Variants in HIPK2 observed in about 807,000 individuals in gnomAD.
HIPK2 encodes the protein homeodomain interacting protein kinase 2, also known as homeodomain-interacting protein kinase 2.
A neutral mutation model predicts 113.7 loss-of-function variants in HIPK2; 27 were observed. The observed-to-expected ratio is 0.24, with a 90% CI of 0.17 to 0.33. The LOEUF (loss-of-function observed/expected upper bound fraction) is 0.33. Ranked by LOEUF, HIPK2 falls within the 10% of genes least tolerant of loss-of-function variation. The pLI is 1.00. For synonymous variants in HIPK2, 631 were observed against 642.2 expected (o/e 0.98, Z 0.26); for missense variants, 1,257 against 1,588.0 (o/e 0.79, Z 3.54).
chr7:139,695,332 C>T lies in HIPK2; in HGVS notation c.1103+20600G>A, dbSNP rs1205179335. Among the ~76,000 whole-genome samples, 8 of 152,248 alleles carry T rather than the reference C, an allele frequency of 5.3e-5. No individual in the cohort carries two copies. The South Asian group carries it at 6.2e-4, about 12-fold the overall frequency. On this transcript the variant is annotated intron_variant, in intron 2 of 14. Transcript: ENST00000406875. The stretch of plus-strand genomic sequence containing the variant: ...CTCAGAACGGAGGGTTAGGCCTCAC[C>T]GGAACTGCACGACTACTGTGTGGCC...
chr7:139,588,524 A>G (rs1798913262), intron 12 of HIPK2, among the ~76,000 whole-genome samples: 1 of 151,980 alleles, frequency 6.6e-6, no homozygotes. Context: ...AAAAAAAAAA[A>G]AAAAAGATTG....
intron 2 of HIPK2, among the ~76,000 whole-genome samples, chr7:139,670,010 T>C (rs1212491129): frequency 6.6e-6 from 1 of 152,214 alleles, no homozygotes; most frequent in Non-Finnish European, 1.5e-5. Flanking sequence ...AATTAACCTG[T>C]TAAATTTATT....
At chr7:139,580,648 A>G (rs1010517885) in intron 13 of HIPK2, among the ~76,000 whole-genome samples, 2 of 152,186 alleles carry the variant, frequency 1.3e-5, no homozygotes, top group Non-Finnish European at 2.9e-5. Flanking sequence ...TACAGCACAG[A>G]TAAGCTCCAG....
intron 1 of HIPK2, among the ~76,000 whole-genome samples, chr7:139,759,317 C>T (rs1486333873): frequency 6.6e-6 from 1 of 152,198 alleles, no homozygotes; most frequent in East Asian, 1.9e-4. Flanking sequence ...GAAACAGGCA[C>T]TTTCACATAC....
At chr7:139,720,125 T>A (rs1795366517) in intron 1 of HIPK2, among the ~76,000 whole-genome samples, 1 of 152,226 alleles carries the variant, frequency 6.6e-6, no homozygotes, top group Non-Finnish European at 1.5e-5. Context: ...TCTCTTATAC[T>A]TCCTATCTTC....
chr7:139,733,249 G>A (rs1795846803), intron 1 of HIPK2, among the ~76,000 whole-genome samples: 3 of 152,068 alleles, frequency 2.0e-5, no homozygotes, highest in Admixed American at 2.0e-4. Context: ...CCAGACTCAG[G>A]TATTTCTTTA....
At chr7:139,678,973 G>C (rs12333516) in intron 2 of HIPK2, among the ~76,000 whole-genome samples, 2,640 of 152,104 alleles carry the variant, frequency 0.017, 73 homozygotes, top group African/African-American at 0.059. Context: ...GTCTATTATT[G>C]GTGTATAAGA....
At chr7:139,761,866 TA>T (rs527942555) in intron 1 of HIPK2, among the ~76,000 whole-genome samples, 3 of 152,092 alleles carry the variant, frequency 2.0e-5, no homozygotes, top group South Asian at 4.1e-4. Context: ...TCATTTTGGT[TA>T]AAAAAATGTG....
chr7:139,763,472 G>C (rs1398440982), intron 1 of HIPK2, among the ~76,000 whole-genome samples: 52 of 100,748 alleles, frequency 5.2e-4, no homozygotes, highest in African/African-American at 1.2e-3. Context: ...GCCGGAACAC[G>C]CCCCCCCCCC....
At chr7:139,581,452 G>A (rs1473795582) in intron 13 of HIPK2, among the ~76,000 whole-genome samples, 2 of 152,162 alleles carry the variant, frequency 1.3e-5, no homozygotes, top group African/African-American at 4.8e-5. Context: ...TAAGTTGTTT[G>A]TCTTAAGCCA....
chr7:139,746,518 G>A lies in HIPK2; in HGVS notation c.20-29503C>T, dbSNP rs117975789. On this transcript the variant is annotated intron_variant, in intron 1 of 14. Coordinates refer to ENST00000406875, the MANE Select transcript of HIPK2 (RefSeq NM_022740.5). Reference sequence around the variant, plus strand: ...GTGGCTAATGTATGTAAAGTATTAAGCTCAGAACTGGGCTTGGCACACTGT... The same window carrying A: ...GTGGCTAATGTATGTAAAGTATTAAACTCAGAACTGGGCTTGGCACACTGT... Among the ~76,000 whole-genome samples, 296 of 152,276 alleles carry A rather than the reference G, an allele frequency of 1.9e-3. 1 individual carries two copies. The highest frequency in any genetic ancestry group is 3.9e-3 in the South Asian group (19 of 4,822).
chr7:139,707,694 C>A (rs544960614), intron 2 of HIPK2, among the ~76,000 whole-genome samples: 1 of 152,312 alleles, frequency 6.6e-6, no homozygotes, highest in South Asian at 2.1e-4. Flanking sequence ...GAAACCTCAG[C>A]ACAACACAGT....
In HIPK2 at chr7:139,583,898, C is replaced by T; in HGVS notation, c.2884G>A (p.Gly962Arg). 6.2e-7 allele frequency: 1 copy of T among 1,613,856 alleles called. No homozygotes were observed. The highest frequency in any genetic ancestry group is 8.5e-7 in the Non-Finnish European group (1 of 1,179,844). Reference sequence around the variant, plus strand: ...GGCACGATGATGGTTCGGGGGTTCCCCGTGCAGTGATTCTCCAGGCTCCCC... The same window carrying T: ...GGCACGATGATGGTTCGGGGGTTCCTCGTGCAGTGATTCTCCAGGCTCCCC... The part of the protein sequence containing the change: ...TKGSLENHCT[G>R]NPRTIIVPPL... Residue 962 changes from glycine (G) to arginine (R), a missense_variant, in exon 13 of 15, where the codon GGG becomes AGG. Transcript: ENST00000406875.
intron 2 of HIPK2, among the ~76,000 whole-genome samples, chr7:139,707,820 C>A (rs1020009623): frequency 6.6e-6 from 1 of 152,206 alleles, no homozygotes; most frequent in East Asian, 1.9e-4. Context: ...GCAGTGAGTG[C>A]GCTATCCATC....
At chr7:139,730,276 T>C (rs1795730899) in intron 1 of HIPK2, among the ~76,000 whole-genome samples, 1 of 152,202 alleles carries the variant, frequency 6.6e-6, no homozygotes, top group African/African-American at 2.4e-5. Flanking sequence ...TCAGAAATGT[T>C]TGTGGCACAC....
rs1444295485 is a variant in HIPK2, at chr7:139,562,466, T to C, written c.*10461A>G. On this transcript the variant is annotated 3_prime_UTR_variant, in exon 15 of 15. Coordinates refer to ENST00000406875, the MANE Select transcript of HIPK2 (RefSeq NM_022740.5). The stretch of plus-strand genomic sequence containing the variant: ...TTCATGAGCAGTTGAAAGGTAAACA[T>C]TTCTGCAGATCCATTCTCTTTCTAT... 1.3e-5 allele frequency: 2 copies of C among 152,252 alleles called. No individual in the cohort carries two copies. The highest frequency in any genetic ancestry group is 6.5e-5 in the Admixed American group (1 of 15,284). The allele number at this position is 152,252 out of a possible 1,614,324, so 9.4% of individuals were successfully genotyped here. A position where few individuals can be genotyped will look rare whatever the true frequency, so the allele number is the denominator to read the frequency against.
At chr7:139,603,477 T>TG (rs1799510416) in intron 10 of HIPK2, among the ~76,000 whole-genome samples, 1 of 152,164 alleles carries the variant, frequency 6.6e-6, no homozygotes, top group Admixed American at 6.5e-5. Context: ...TATGCTGTGC[T>TG]GGCAGGCAGT....
At chr7:139,603,384 T>C (rs1472623383) in intron 10 of HIPK2, among the ~76,000 whole-genome samples, 1 of 152,072 alleles carries the variant, frequency 6.6e-6, no homozygotes, top group Non-Finnish European at 1.5e-5. Context: ...CAAGGGTATC[T>C]AGCCATAAAA....
chr7:139,629,174 T>G (rs1402354088), intron 4 of HIPK2, 135 bp from the exon 5 acceptor site: 2 of 670,012 alleles, frequency 3.0e-6, no homozygotes, highest in Non-Finnish European at 5.3e-6. Flanking sequence ...TTCAATGACC[T>G]GCACACCTGC....
Sources: gnomAD v4.1 joint callset for allele counts (sites outside exome capture counted in the v4.1 genomes callset) on GRCh38, gnomAD v4.1.1 for gene constraint, MANE v1.5 for transcripts, NCBI Gene and HGNC (gene_info 2026-07-23, HGNC 2026-07-21) for gene names.